Variants in GRM8 observed in about 807,000 individuals in gnomAD.
GRM8 encodes the protein metabotropic glutamate receptor 8.
GRM8 carries 47 observed loss-of-function variants against 87.2 expected under a neutral mutation model. The ratio of observed to expected loss-of-function variants is 0.54; its 90% CI spans 0.43 to 0.69. The LOEUF (loss-of-function observed/expected upper bound fraction) is 0.69. GRM8 is among the 30% of genes least tolerant of loss of function. The pLI is 0.00. For synonymous variants in GRM8, 396 were observed against 404.5 expected, an observed-to-expected ratio of 0.98 and a Z score of 0.25; for missense variants, 1,019 against 1,139.2, an observed-to-expected ratio of 0.89 and a Z score of 1.52.
chr7:126,657,135 T>C (rs1804615210), intron 7 of GRM8, among the ~76,000 whole-genome samples: 3 of 152,018 alleles, frequency 2.0e-5, no homozygotes, highest in East Asian at 1.9e-4. Flanking sequence ...GAAATTAATA[T>C]GGAATCACAG....
At chr7:126,961,653 C>T (rs12538658) in intron 3 of GRM8, among the ~76,000 whole-genome samples, 1 of 152,182 alleles carries the variant, frequency 6.6e-6, no homozygotes, top group Non-Finnish European at 1.5e-5. Context: ...AGAACGGATG[C>T]TTTGTACATG....
chr7:126,838,785 T>C (rs1796020356), intron 6 of GRM8, among the ~76,000 whole-genome samples: 1 of 152,112 alleles, frequency 6.6e-6, no homozygotes, highest in East Asian at 1.9e-4. Flanking sequence ...TGAAAGAAAA[T>C]GTTAACTCAC....
intron 7 of GRM8, among the ~76,000 whole-genome samples, chr7:126,663,659 T>C (rs375207506): frequency 7.0e-4 from 107 of 152,198 alleles, no homozygotes; most frequent in African/African-American, 2.5e-3. Flanking sequence ...ATAAGAGCCA[T>C]CTATGACAAA....
At chr7:127,212,004 T>G (rs901514016) in intron 2 of GRM8, among the ~76,000 whole-genome samples, 1 of 152,168 alleles carries the variant, frequency 6.6e-6, no homozygotes, top group African/African-American at 2.4e-5. Flanking sequence ...GTTTCATGCT[T>G]AGAGTATGGG....
rs868233926 is a variant in GRM8, at chr7:126,715,853, C to T, written c.1357+54012G>A. On this transcript the variant is annotated intron_variant, in intron 7 of 10. Coordinates refer to ENST00000339582, the MANE Select transcript of GRM8 (RefSeq NM_000845.3). ...TTTTCAAATACCCTTTCTATCACTG[C>T]CAATGGCTTTTCTGTCCCATTTCCT... Among the ~76,000 whole-genome samples, 7 of 152,266 alleles carry T rather than the reference C, an allele frequency of 4.6e-5. 1 individual carries two copies. In the Middle Eastern group the frequency reaches 0.01, roughly 222 times the overall value.
chr7:126,500,981 A>G (rs1809558923), intron 9 of GRM8, among the ~76,000 whole-genome samples: 2 of 151,932 alleles, frequency 1.3e-5, no homozygotes, highest in African/African-American at 4.8e-5. Context: ...CCCTTTATAA[A>G]CTATTTTAGA....
At chr7:127,151,021 C>A (rs1011191314) in intron 2 of GRM8, among the ~76,000 whole-genome samples, 2 of 151,996 alleles carry the variant, frequency 1.3e-5, no homozygotes, top group Non-Finnish European at 2.9e-5. Flanking sequence ...TTTAGCTATA[C>A]ACATTGGGTT....
At chr7:127,212,873 C>G (rs1796306322) in intron 2 of GRM8, among the ~76,000 whole-genome samples, 1 of 152,212 alleles carries the variant, frequency 6.6e-6, no homozygotes, top group Admixed American at 6.5e-5. Flanking sequence ...ACGTAAATGT[C>G]ACACATGTTC....
At chr7:126,838,120 T>G (rs571152440) in intron 6 of GRM8, among the ~76,000 whole-genome samples, 1 of 152,228 alleles carries the variant, frequency 6.6e-6, no homozygotes, top group African/African-American at 2.4e-5. Context: ...TTAAAAATAA[T>G]ATCATTAAAA....
At chr7:126,742,248 C>T (rs1815092563) in intron 7 of GRM8, among the ~76,000 whole-genome samples, 1 of 151,906 alleles carries the variant, frequency 6.6e-6, no homozygotes, top group African/African-American at 2.4e-5. Flanking sequence ...AATATTGTAA[C>T]AAAATTGGGC....
At chr7:126,803,714 T>C (rs1011886138) in intron 6 of GRM8, among the ~76,000 whole-genome samples, 2 of 152,236 alleles carry the variant, frequency 1.3e-5, no homozygotes, top group Admixed American at 6.5e-5. Context: ...GGGTGCTGAC[T>C]ACAATGGTCA....
intron 3 of GRM8, among the ~76,000 whole-genome samples, chr7:127,078,928 T>C (rs1021613867): frequency 4.6e-5 from 7 of 152,126 alleles, no homozygotes; most frequent in African/African-American, 7.2e-5. Flanking sequence ...GAAAGAAAAA[T>C]TGACATTCAT....
At chr7:126,613,406 G>C (rs1485765716) in intron 7 of GRM8, among the ~76,000 whole-genome samples, 1 of 152,170 alleles carries the variant, frequency 6.6e-6, no homozygotes, top group African/African-American at 2.4e-5. Context: ...GGGGTTCCAA[G>C]ATGGCCAAAT....
At chr7:126,597,484 T>G (rs1395906966) in intron 8 of GRM8, among the ~76,000 whole-genome samples, 1 of 152,110 alleles carries the variant, frequency 6.6e-6, no homozygotes, top group Non-Finnish European at 1.5e-5. Context: ...TTTTTACCAG[T>G]TATTCCTCCA....
At chr7:126,761,153 G>A (rs1037917177) in intron 7 of GRM8, among the ~76,000 whole-genome samples, 6 of 151,750 alleles carry the variant, frequency 4.0e-5, no homozygotes, top group Admixed American at 3.3e-4. Context: ...AGCGGAGATC[G>A]CACCACTGCA....
chr7:126,977,281 AAT>A (rs1242008819), intron 3 of GRM8, among the ~76,000 whole-genome samples: 2 of 152,248 alleles, frequency 1.3e-5, no homozygotes, highest in East Asian at 3.8e-4. Flanking sequence ...CTGACTAGAA[AAT>A]AGTGGATTTC....
intron 1 of GRM8, among the ~76,000 whole-genome samples, chr7:127,244,810 C>T (rs1013937047): frequency 6.6e-6 from 1 of 152,138 alleles, no homozygotes; most frequent in African/African-American, 2.4e-5. Flanking sequence ...GCATTTTTTG[C>T]ACTTGCAGAT....
At chr7:127,177,198 G>T (rs1794162428) in intron 2 of GRM8, among the ~76,000 whole-genome samples, 1 of 152,112 alleles carries the variant, frequency 6.6e-6, no homozygotes. Flanking sequence ...GTTTATGTGG[G>T]ATCTGGATGA....
chr7:126,934,043 T>C (rs1368649050), intron 3 of GRM8, among the ~76,000 whole-genome samples: 1 of 152,154 alleles, frequency 6.6e-6, no homozygotes, highest in African/African-American at 2.4e-5. Flanking sequence ...CCCACACAAC[T>C]CTTCATGATG....
Sources: allele counts gnomAD v4.1 joint callset (sites outside exome capture counted in the v4.1 genomes callset), GRCh38; gene constraint gnomAD v4.1.1; transcripts MANE v1.5; gene names NCBI Gene and HGNC (gene_info 2026-07-23, HGNC 2026-07-21).